Variants in GABRB3 observed in about 807,000 individuals in gnomAD.
GABRB3 encodes gamma-aminobutyric acid type A receptor subunit beta3.
GABRB3 carries 14 observed loss-of-function variants against 52.1 expected under a neutral mutation model. That is an observed-to-expected ratio of 0.27 (90% confidence interval 0.18 to 0.42). The LOEUF (loss-of-function observed/expected upper bound fraction) is 0.42. Ranked by LOEUF, GABRB3 falls within the 10% of genes least tolerant of loss-of-function variation. GABRB3 has a pLI of 1.00. For synonymous variants in GABRB3, 260 were observed against 232.3 expected (o/e 1.12, Z -1.08); for missense variants, 307 against 609.1 (o/e 0.50, Z 5.22).
intron 3 of GABRB3, among the ~76,000 whole-genome samples, chr15:26,706,320 A>G (rs531543300): frequency 6.6e-6 from 1 of 152,306 alleles, no homozygotes; most frequent in South Asian, 2.1e-4. Flanking sequence ...TTCATACAAA[A>G]GAGTTCATAC....
At chr15:26,688,247 A>T (rs1190706624) in intron 3 of GABRB3, among the ~76,000 whole-genome samples, 1 of 152,192 alleles carries the variant, frequency 6.6e-6, no homozygotes, top group Non-Finnish European at 1.5e-5. Flanking sequence ...CTAAACGGGA[A>T]CATCAGCCCC....
intron 3 of GABRB3, among the ~76,000 whole-genome samples, chr15:26,755,116 G>A (rs556544756): frequency 6.7e-6 from 1 of 149,994 alleles, no homozygotes; most frequent in South Asian, 2.1e-4. Context: ...CGATTCTCCT[G>A]CCTCAGCCTC....
At chr15:26,645,629 T>A (rs1210440348) in intron 3 of GABRB3, among the ~76,000 whole-genome samples, 1 of 152,230 alleles carries the variant, frequency 6.6e-6, no homozygotes, top group Non-Finnish European at 1.5e-5. Flanking sequence ...TTAATGGTTC[T>A]ACTCCTGGTA....
chr15:26,714,033 G>A (rs1459326472), intron 3 of GABRB3, among the ~76,000 whole-genome samples: 3 of 152,198 alleles, frequency 2.0e-5, no homozygotes, highest in African/African-American at 4.8e-5. Context: ...AACTCAACAC[G>A]TGCCAGCAAC....
At chr15:26,649,620 G>A (rs1887130680) in intron 3 of GABRB3, among the ~76,000 whole-genome samples, 1 of 149,434 alleles carries the variant, frequency 6.7e-6, no homozygotes, top group South Asian at 2.1e-4. Context: ...AAAGGAAAAT[G>A]TGCTGAGCCC....
At chr15:26,712,475 G>T (rs192262554) in intron 3 of GABRB3, among the ~76,000 whole-genome samples, 154 of 152,178 alleles carry the variant, frequency 1.0e-3, no homozygotes, top group African/African-American at 3.4e-3. Flanking sequence ...GAGTGGTGAG[G>T]GGGGGTTCAA....
At chr15:26,662,589 T>C (rs1433008398) in intron 3 of GABRB3, among the ~76,000 whole-genome samples, 1 of 152,202 alleles carries the variant, frequency 6.6e-6, no homozygotes, top group East Asian at 1.9e-4. Flanking sequence ...TCTGCACAGA[T>C]GAACAGGGAG....
intron 3 of GABRB3, among the ~76,000 whole-genome samples, chr15:26,622,320 G>A (rs7168878): frequency 0.99 from 150,971 of 152,274 alleles, 74,844 homozygotes; most frequent in East Asian, 1. Flanking sequence ...AACAAAGTGG[G>A]AAAAAAGACA....
At chr15:26,596,227 T>C (rs904107154) in intron 4 of GABRB3, among the ~76,000 whole-genome samples, 1 of 152,170 alleles carries the variant, frequency 6.6e-6, no homozygotes, top group Non-Finnish European at 1.5e-5. Context: ...AGTCAAAGCC[T>C]AGTTCTTTAA....
In GABRB3 at chr15:26,568,167, A is replaced by G. The variant is rs184010784; in HGVS notation, c.683-434T>C. On this transcript the variant is annotated intron_variant, in intron 6 of 8. Transcript: ENST00000311550. ...ACCTGGAGTTCAGCCCTGAATACAG[A>G]TGTTAGAGGCATTGCCCCTAGAGTG... is the stretch of plus-strand genomic sequence containing the variant. 3.9e-5 allele frequency among the ~76,000 whole-genome samples: 6 copies of G among 152,288 alleles called. No individual in the cohort carries two copies. The East Asian group carries it at 1.2e-3, about 29-fold the overall frequency.
rs549100246 is a variant in GABRB3, at chr15:26,649,332, C to G, written c.241-27798G>C. 7.2e-5 allele frequency among the ~76,000 whole-genome samples: 11 copies of G among 152,248 alleles called. No individual in the cohort carries two copies. In the East Asian group the frequency reaches 2.1e-3, roughly 30 times the overall value. On this transcript the variant is annotated intron_variant, in intron 3 of 8. Transcript: ENST00000311550. ...ATATTAGGACACAGCATTCCTCTCT[C>G]TCTTCTCCCTCCACCATGTGATGAC...
At chr15:26,576,295 G>C (rs914879450) in intron 6 of GABRB3, among the ~76,000 whole-genome samples, 3 of 152,174 alleles carry the variant, frequency 2.0e-5, no homozygotes, top group African/African-American at 7.2e-5. Flanking sequence ...TTCAACAACA[G>C]AGTATTCTGG....
chr15:26,682,512 T>G (rs969792892), intron 3 of GABRB3, among the ~76,000 whole-genome samples: 1 of 152,200 alleles, frequency 6.6e-6, no homozygotes, highest in Non-Finnish European at 1.5e-5. Flanking sequence ...CCGAGCTTAC[T>G]TAAATGAAAG....
intron 3 of GABRB3, among the ~76,000 whole-genome samples, chr15:26,690,039 G>T (rs1888535829): frequency 6.6e-6 from 1 of 151,452 alleles, no homozygotes. Flanking sequence ...CTAAAATAGG[G>T]TATTGGCCAT....
chr15:26,629,071 G>A lies in GABRB3; in HGVS notation c.241-7537C>T, dbSNP rs957196764. ...CAAAGACTCCGAGAGCCTCCGCCACGCTAACCGGAAGTTGTGACTGTCGCT... is the reference window on the plus strand; with the variant it reads ...CAAAGACTCCGAGAGCCTCCGCCACACTAACCGGAAGTTGTGACTGTCGCT... On this transcript the variant is annotated intron_variant, in intron 3 of 8. Coordinates refer to ENST00000311550, the MANE Select transcript of GABRB3 (RefSeq NM_000814.6). 14 of 1,535,930 alleles carry A rather than the reference G, an allele frequency of 9.1e-6. No individual in the cohort carries two copies. In the African/African-American group the frequency reaches 1.4e-4, roughly 15 times the overall value.
chr15:26,685,642 CA>C (rs1173548418), intron 3 of GABRB3, among the ~76,000 whole-genome samples: 63 of 152,050 alleles, frequency 4.1e-4, no homozygotes, highest in African/African-American at 1.5e-3. Flanking sequence ...AGAATACTTT[CA>C]ATACGATTAT....
chr15:26,556,737 G>C (rs1216124314), intron 8 of GABRB3, among the ~76,000 whole-genome samples: 2 of 152,094 alleles, frequency 1.3e-5, no homozygotes, highest in Non-Finnish European at 2.9e-5. Context: ...CTAAATATAA[G>C]GAAAACCTAC....
intron 3 of GABRB3, among the ~76,000 whole-genome samples, chr15:26,736,108 C>T (rs1375155961): frequency 6.6e-6 from 1 of 152,020 alleles, no homozygotes; most frequent in Non-Finnish European, 1.5e-5. Context: ...ATTTAATGTA[C>T]ACAGTTTCAG....
intron 3 of GABRB3, among the ~76,000 whole-genome samples, chr15:26,680,175 G>T (rs1227837467): frequency 6.6e-6 from 1 of 152,228 alleles, no homozygotes; most frequent in African/African-American, 2.4e-5. Flanking sequence ...GAGGAAGACT[G>T]CCTGTAGACT....
Sources: allele counts gnomAD v4.1 joint callset (sites outside exome capture counted in the v4.1 genomes callset), GRCh38; gene constraint gnomAD v4.1.1; transcripts MANE v1.5; gene names NCBI Gene and HGNC (gene_info 2026-07-23, HGNC 2026-07-21).